The following LRFN2 variants were observed in gnomAD, a reference collection of about 807,000 sequenced individuals.
LRFN2 encodes the protein leucine rich repeat and fibronectin type III domain containing 2.
LRFN2 carries 18 observed loss-of-function variants against 37.3 expected under a neutral mutation model. The ratio of observed to expected loss-of-function variants is 0.48; its 90% CI spans 0.33 to 0.72. The LOEUF (loss-of-function observed/expected upper bound fraction) is 0.72. Among genes scored for constraint, LRFN2 ranks in the 30% least tolerant of loss-of-function variants. The pLI, the probability that LRFN2 is intolerant of heterozygous loss-of-function variation, is 0.02. For synonymous variants in LRFN2, 556 were observed against 466.6 expected (o/e 1.19, Z -2.47); for missense variants, 1,006 against 1,060.7 (o/e 0.95, Z 0.72).
intron 1 of LRFN2, among the ~76,000 whole-genome samples, chr6:40,558,803 T>C (rs1766938369): frequency 6.6e-6 from 1 of 152,200 alleles, no homozygotes. Flanking sequence ...GTGCCTCCAT[T>C]CTGCAAATAA....
intron 1 of LRFN2, among the ~76,000 whole-genome samples, chr6:40,521,007 T>TGAA (rs1418738679): frequency 4.0e-5 from 6 of 151,884 alleles, no homozygotes; most frequent in Admixed American, 3.9e-4. Flanking sequence ...AGAGAGACAG[T>TGAA]GAAGAGTGCA....
intron 2 of LRFN2, among the ~76,000 whole-genome samples, chr6:40,399,301 G>A (rs540403450): frequency 7.4e-4 from 112 of 151,550 alleles, no homozygotes; most frequent in African/African-American, 2.1e-3. Context: ...TCTCTATAGC[G>A]CCTCACTGTC....
intron 1 of LRFN2, among the ~76,000 whole-genome samples, chr6:40,586,559 G>T (rs1279517950): frequency 6.6e-6 from 1 of 151,992 alleles, no homozygotes; most frequent in Non-Finnish European, 1.5e-5. Flanking sequence ...AATGGCTCTA[G>T]CCAGGCCTTG....
chr6:40,418,396 G>A (rs541867432), intron 2 of LRFN2, among the ~76,000 whole-genome samples: 1 of 152,226 alleles, frequency 6.6e-6, no homozygotes, highest in South Asian at 2.1e-4. Context: ...CCCCCAGTAA[G>A]AATGTAAGCT....
chr6:40,524,329 C>T (rs1686226755), intron 1 of LRFN2, among the ~76,000 whole-genome samples: 1 of 152,112 alleles, frequency 6.6e-6, no homozygotes, highest in South Asian at 2.1e-4. Context: ...CCTGCCTGCC[C>T]TGATAACTGA....
chr6:40,453,974 G>A (rs1159767885), intron 1 of LRFN2, among the ~76,000 whole-genome samples: 1 of 152,108 alleles, frequency 6.6e-6, no homozygotes, highest in African/African-American at 2.4e-5. Context: ...TGTGGTTTTT[G>A]TGCTGGACTG....
At chr6:40,559,213 G>A (rs1766947214) in intron 1 of LRFN2, among the ~76,000 whole-genome samples, 1 of 152,042 alleles carries the variant, frequency 6.6e-6, no homozygotes, top group African/African-American at 2.4e-5. Flanking sequence ...ATGGGGAGGG[G>A]TCAGCCTATA....
intron 1 of LRFN2, among the ~76,000 whole-genome samples, chr6:40,454,771 G>A (rs1261694292): frequency 2.0e-5 from 3 of 152,122 alleles, no homozygotes. Context: ...TTTTGTTATA[G>A]CATTGTTTAT....
intron 2 of LRFN2, among the ~76,000 whole-genome samples, chr6:40,424,447 A>C (rs1468218796): frequency 2.6e-5 from 4 of 152,172 alleles, no homozygotes; most frequent in Admixed American, 2.6e-4. Flanking sequence ...AGAAGACTAC[A>C]TTTCTTAGTC....
chr6:40,423,750 C>A (rs1280045548), intron 2 of LRFN2, among the ~76,000 whole-genome samples: 1 of 152,152 alleles, frequency 6.6e-6, no homozygotes, highest in East Asian at 1.9e-4. Flanking sequence ...CTGAGAAACT[C>A]CCCACTTTGC....
At chr6:40,444,594 C>G (rs1327192263) in intron 1 of LRFN2, among the ~76,000 whole-genome samples, 1 of 152,138 alleles carries the variant, frequency 6.6e-6, no homozygotes, top group Non-Finnish European at 1.5e-5. Flanking sequence ...GCAGGAAGAG[C>G]ATGCATAGGA....
intron 1 of LRFN2, among the ~76,000 whole-genome samples, chr6:40,469,707 T>C (rs1581730089): frequency 2.6e-5 from 4 of 152,248 alleles, no homozygotes; most frequent in African/African-American, 7.2e-5. Flanking sequence ...ACCCACCTGC[T>C]TCATAGAGGC....
intron 2 of LRFN2, among the ~76,000 whole-genome samples, chr6:40,418,302 T>C (rs571375682): frequency 6.6e-6 from 1 of 152,274 alleles, no homozygotes; most frequent in South Asian, 2.1e-4. Context: ...TAACCACCCA[T>C]ATAAAACTGT....
chr6:40,517,927 A>C (rs184015366), intron 1 of LRFN2, among the ~76,000 whole-genome samples: 3 of 152,304 alleles, frequency 2.0e-5, no homozygotes, highest in Non-Finnish European at 2.9e-5. Context: ...CCAAGGGCAG[A>C]TCAGGCCTGT....
chr6:40,426,186 T>C (rs986486231), intron 2 of LRFN2, among the ~76,000 whole-genome samples: 1 of 152,208 alleles, frequency 6.6e-6, no homozygotes, highest in Non-Finnish European at 1.5e-5. Flanking sequence ...CCATATTATG[T>C]TGATCATGGG....
At chr6:40,546,553 C>A (rs1766667013) in intron 1 of LRFN2, among the ~76,000 whole-genome samples, 1 of 152,176 alleles carries the variant, frequency 6.6e-6, no homozygotes, top group African/African-American at 2.4e-5. Context: ...TTGGCTTAAC[C>A]AACTCTCATG....
intron 1 of LRFN2, among the ~76,000 whole-genome samples, chr6:40,449,937 A>G (rs774278921): frequency 3.3e-5 from 5 of 152,152 alleles, no homozygotes; most frequent in African/African-American, 4.8e-5. Context: ...TTTATTTTTT[A>G]TCACTCACAA....
chr6:40,445,500 G>A (rs1298129599), intron 1 of LRFN2, among the ~76,000 whole-genome samples: 1 of 152,216 alleles, frequency 6.6e-6, no homozygotes, highest in Non-Finnish European at 1.5e-5. Context: ...TGCTGATTGT[G>A]GCCTTGAATG....
At chr6:40,529,068 T>C (rs1766304795) in intron 1 of LRFN2, among the ~76,000 whole-genome samples, 1 of 152,192 alleles carries the variant, frequency 6.6e-6, no homozygotes, top group African/African-American at 2.4e-5. Flanking sequence ...TTTTCTATTT[T>C]CCAGGCCTCA....
Sources: allele counts gnomAD v4.1 joint callset (sites outside exome capture counted in the v4.1 genomes callset), GRCh38; gene constraint gnomAD v4.1.1; transcripts MANE v1.5; gene names NCBI Gene and HGNC (gene_info 2026-07-23, HGNC 2026-07-21).